Variants in NCAM2 observed in about 807,000 individuals in gnomAD.
The protein encoded by NCAM2 is N-CAM-2.
In NCAM2, 30 loss-of-function variants were observed where a neutral mutation model predicts 98.1. The ratio of observed to expected loss-of-function variants is 0.31; its 90% CI spans 0.23 to 0.41. The LOEUF (loss-of-function observed/expected upper bound fraction) is 0.41. NCAM2 is among the 10% of genes least tolerant of loss of function. NCAM2 has a pLI of 1.00. For missense variants in NCAM2, 867 were observed against 1,005.8 expected (o/e 0.86, Z 1.87); for synonymous variants, 368 against 342.4 (o/e 1.07, Z -0.83).
chr21:21,472,407 TTAA>T (rs1212202626), intron 14 of NCAM2, among the ~76,000 whole-genome samples: 2 of 152,046 alleles, frequency 1.3e-5, no homozygotes, highest in African/African-American at 2.4e-5. Context: ...CATTTTCCAG[TTAA>T]TAATGTTTAT....
intron 9 of NCAM2, among the ~76,000 whole-genome samples, chr21:21,375,783 T>C (rs1343845201): frequency 1.3e-5 from 2 of 151,790 alleles, no homozygotes; most frequent in Non-Finnish European, 2.9e-5. Context: ...ATATGATTTA[T>C]ATGAGACCTC....
intron 1 of NCAM2, among the ~76,000 whole-genome samples, chr21:21,139,158 T>C (rs1851438092): frequency 6.6e-6 from 1 of 152,132 alleles, no homozygotes; most frequent in South Asian, 2.1e-4. Context: ...CAGAGGGGGA[T>C]TTGAGACAGA....
intron 10 of NCAM2, among the ~76,000 whole-genome samples, chr21:21,411,332 C>CT (rs538577929): frequency 4.0e-5 from 6 of 148,896 alleles, no homozygotes; most frequent in Non-Finnish European, 8.9e-5. Flanking sequence ...TGTGGTATAG[C>CT]TTTTTTTTCT....
intron 10 of NCAM2, among the ~76,000 whole-genome samples, chr21:21,414,759 G>A (rs537177213): frequency 2.0e-5 from 3 of 151,828 alleles, no homozygotes; most frequent in Non-Finnish European, 4.4e-5. Context: ...GTGAGCCACC[G>A]CGCCCGGCCA....
Position 21,334,768 on chromosome 21 carries a change from T to G in NCAM2, c.738-737T>G, listed in dbSNP as rs1005668053. ...ATTGAAAATATTTCTTACTGTAGAT[T>G]ATAGTAAAAAATGTTTGAAAGCCGT... On this transcript the variant is annotated intron_variant, in intron 6 of 17. Coordinates refer to ENST00000400546, the MANE Select transcript of NCAM2 (RefSeq NM_004540.5). Among the ~76,000 whole-genome samples, 4 of 152,222 alleles carry G rather than the reference T, an allele frequency of 2.6e-5. No individual in the cohort carries two copies. In the South Asian group the frequency reaches 8.3e-4, roughly 32 times the overall value.
At chr21:21,243,567 C>T (rs1166351994) in intron 1 of NCAM2, among the ~76,000 whole-genome samples, 2 of 152,162 alleles carry the variant, frequency 1.3e-5, no homozygotes, top group African/African-American at 4.8e-5. Flanking sequence ...AGTTGGCTGA[C>T]TTTGGCTTTG....
chr21:21,194,009 C>CA (rs1156341949), intron 1 of NCAM2, among the ~76,000 whole-genome samples: 2 of 151,426 alleles, frequency 1.3e-5, no homozygotes, highest in African/African-American at 4.9e-5. Context: ...ATGAAAATAC[C>CA]AAAAATATTA....
In NCAM2 at chr21:21,409,417, G is replaced by C. The variant is rs372861594; in HGVS notation, c.1196-857G>C. On this transcript the variant is annotated intron_variant, in intron 9 of 17. Coordinates refer to ENST00000400546, the MANE Select transcript of NCAM2 (RefSeq NM_004540.5). ...TATTGTTGATTAATTTATGACATCT[G>C]TGGTTTAGTAAAAATGGGAAATATG... Among the ~76,000 whole-genome samples the C allele has an allele frequency of 5.9e-5, 9 of 152,236 alleles. 1 individual carries two copies. The highest frequency in any genetic ancestry group is 4.6e-4 in the Admixed American group (7 of 15,290).
At chr21:21,353,858 C>A (rs2075403171) in intron 8 of NCAM2, among the ~76,000 whole-genome samples, 1 of 152,146 alleles carries the variant, frequency 6.6e-6, no homozygotes, top group Non-Finnish European at 1.5e-5. Flanking sequence ...TATTGTGCTC[C>A]ACAAAACAAG....
chr21:21,522,161 T>TATATGA (rs1036947183), intron 16 of NCAM2, among the ~76,000 whole-genome samples: 20 of 148,044 alleles, frequency 1.4e-4, no homozygotes, highest in African/African-American at 3.9e-4. Context: ...GAATACTATA[T>TATATGA]ATATGAATAT....
At chr21:21,412,414 G>A (rs1395410952) in intron 10 of NCAM2, among the ~76,000 whole-genome samples, 3 of 152,116 alleles carry the variant, frequency 2.0e-5, no homozygotes, top group East Asian at 1.9e-4. Flanking sequence ...TGAGGAGGCG[G>A]GCAGTTCAGT....
chr21:21,098,843 A>C (rs1411726145), intron 1 of NCAM2, among the ~76,000 whole-genome samples: 1 of 151,822 alleles, frequency 6.6e-6, no homozygotes, highest in Non-Finnish European at 1.5e-5. Flanking sequence ...TTTTGTTCAG[A>C]GTCAAGGTGT....
chr21:21,423,692 G>T (rs934953113), intron 11 of NCAM2, among the ~76,000 whole-genome samples: 6 of 151,852 alleles, frequency 4.0e-5, no homozygotes, highest in African/African-American at 1.5e-4. Flanking sequence ...CCTCAGTTCA[G>T]GACTCTATAC....
chr21:21,337,809 G>C (rs1287401533), intron 7 of NCAM2, among the ~76,000 whole-genome samples: 1 of 151,688 alleles, frequency 6.6e-6, no homozygotes, highest in Non-Finnish European at 1.5e-5. Context: ...AAATCAAGTG[G>C]AATAATATAT....
chr21:21,379,401 T>C (rs2076102589), intron 9 of NCAM2, among the ~76,000 whole-genome samples: 3 of 152,172 alleles, frequency 2.0e-5, no homozygotes, highest in African/African-American at 7.2e-5. Flanking sequence ...ATCACATAAC[T>C]CCAGATTTTC....
chr21:21,084,283 GA>G (rs2065866763), intron 1 of NCAM2, among the ~76,000 whole-genome samples: 1 of 152,138 alleles, frequency 6.6e-6, no homozygotes, highest in Non-Finnish European at 1.5e-5. Context: ...TCAACATGTG[GA>G]TTTTGAGGGG....
chr21:21,244,513 A>T (rs555658013), intron 1 of NCAM2, among the ~76,000 whole-genome samples: 2 of 152,270 alleles, frequency 1.3e-5, no homozygotes, highest in South Asian at 4.1e-4. Flanking sequence ...TGAATTTATC[A>T]TATACGTTGT....
At chr21:21,187,059 G>T (rs185584430) in intron 1 of NCAM2, among the ~76,000 whole-genome samples, 5 of 151,842 alleles carry the variant, frequency 3.3e-5, no homozygotes, top group African/African-American at 7.3e-5. Flanking sequence ...GTGAAACCCC[G>T]TCTCTATTAA....
intron 13 of NCAM2, among the ~76,000 whole-genome samples, chr21:21,467,426 T>TTATATATATATATATATC (rs1305802628): frequency 1.7e-4 from 23 of 136,274 alleles, no homozygotes; most frequent in South Asian, 4.3e-4. Context: ...ATATATATCT[T>TTATATATATATATATATC]TTTATATATA....
Sources: gnomAD v4.1 joint callset for allele counts (sites outside exome capture counted in the v4.1 genomes callset) on GRCh38, gnomAD v4.1.1 for gene constraint, MANE v1.5 for transcripts, NCBI Gene and HGNC (gene_info 2026-07-23, HGNC 2026-07-21) for gene names.